Variants in NIN observed in about 807,000 individuals in gnomAD.
The protein encoded by NIN is ninein.
Under a neutral mutation model 257.6 loss-of-function variants are expected in NIN, and 137 were observed. The observed-to-expected ratio is 0.53, with a 90% confidence interval of 0.46 to 0.61. The LOEUF is 0.61. NIN is among the 20% of genes least tolerant of loss of function. The pLI, the probability that NIN is intolerant of heterozygous loss-of-function variation, is 0.00. For missense variants in NIN, 2,439 were observed against 2,501.2 expected, an observed-to-expected ratio of 0.98 and a Z score of 0.53; for synonymous variants, 918 against 919.8, an observed-to-expected ratio of 1.00 and a Z score of 0.04.
intron 9 of NIN, 168 bp downstream of exon 9, chr14:50,772,133 G>C (rs918919971): frequency 1.8e-6 from 1 of 565,090 alleles, no homozygotes. Context: ...TTAACAAAAG[G>C]CTCCTGGTTA....
At chr14:50,797,919 A>T (rs939766970) in intron 4 of NIN, among the ~76,000 whole-genome samples, 2 of 150,760 alleles carry the variant, frequency 1.3e-5, no homozygotes, top group African/African-American at 4.9e-5. Flanking sequence ...GAAGGGAAAG[A>T]GTGGAGTGGG....
chr14:50,772,077 G>A (rs2042759897), intron 9 of NIN: 2 of 467,024 alleles, frequency 4.3e-6, no homozygotes, highest in Non-Finnish European at 7.7e-6. Flanking sequence ...AATTGTAAGA[G>A]TATTTCTCAT....
chr14:50,774,700 T>G (rs973915455), intron 7 of NIN, among the ~76,000 whole-genome samples: 91 of 151,940 alleles, frequency 6.0e-4, no homozygotes, highest in African/African-American at 2.0e-3. Flanking sequence ...GCTCTAACAT[T>G]AGATCCACAC....
At chr14:50,805,527 T>A (rs1390792117) in intron 4 of NIN, among the ~76,000 whole-genome samples, 1 of 152,120 alleles carries the variant, frequency 6.6e-6, no homozygotes, top group Non-Finnish European at 1.5e-5. Context: ...CTAAAGGCAG[T>A]GTCCATACAC....
Position 50,766,325 on chromosome 14 carries a change from T to C in NIN, c.1617A>G (p.Glu539=). The change falls in exon 14 of 31, where the codon GAA becomes GAG. Residue 539 remains glutamate, a synonymous_variant. Transcript: ENST00000530997. ...QEERLTQMRN[E]YERQCRVLQD... is the part of the protein sequence containing the mutation. ...TACCTACCCTGCACTGCCGCTCATA[T>C]TCATTTCTCATCTGTGTCAGTCTCT... 2.5e-6 allele frequency: 4 copies of C among 1,614,046 alleles called. No individual in the cohort carries two copies. The highest frequency in any genetic ancestry group is 1.3e-5 in the African/African-American group (1 of 75,046).
rs143801082 is a variant in NIN, at chr14:50,780,267, C to T, written c.436-1463G>A. ...GAAAAGGTGAATCGCCCTTTCCAAACGGGGCTGCTGTCATAGCAGTGATCC... is the reference window on the plus strand; with the variant it reads ...GAAAAGGTGAATCGCCCTTTCCAAATGGGGCTGCTGTCATAGCAGTGATCC... On this transcript the variant is annotated intron_variant, in intron 5 of 30. Coordinates refer to ENST00000530997, the MANE Select transcript of NIN (RefSeq NM_020921.4). 2.6e-3 allele frequency among the ~76,000 whole-genome samples: 397 copies of T among 152,316 alleles called. 2 individuals are homozygous for T. The highest frequency in any genetic ancestry group is 3.6e-3 in the Non-Finnish European group (246 of 68,024).
intron 28 of NIN, among the ~76,000 whole-genome samples, chr14:50,733,146 G>A (rs1398025092): frequency 6.6e-6 from 1 of 151,560 alleles, no homozygotes; most frequent in Non-Finnish European, 1.5e-5. Context: ...AGGCTGGAGT[G>A]CAGTGGCACG....
At chr14:50,735,659 A>C in intron 27 of NIN, 42 bp from the exon 28 acceptor site, 2 of 1,576,636 alleles carry the variant, frequency 1.3e-6, no homozygotes, top group Non-Finnish European at 1.7e-6. Flanking sequence ...ACAGAAACAA[A>C]AACACTTGAG....
intron 5 of NIN, among the ~76,000 whole-genome samples, chr14:50,785,215 G>A (rs1265808416): frequency 2.0e-5 from 3 of 152,374 alleles, no homozygotes; most frequent in East Asian, 3.9e-4. Flanking sequence ...CTGCAGAGCA[G>A]ATGGCCAGAG....
chr14:50,755,679 A>T (rs1040889), intron 18 of NIN, among the ~76,000 whole-genome samples: 7,800 of 41,522 alleles, frequency 0.19, 1,255 homozygotes, highest in African/African-American at 0.42. Context: ...TTTTTTTTTT[A>T]AAAGAGACAG....
Position 50,723,362 on chromosome 14 carries a change from G to C in NIN, c.*101C>G. The C allele has an allele frequency of 1.1e-6, 1 of 913,342 alleles. No individual in the cohort carries two copies. The allele number at this position is 913,342 out of a possible 1,614,324, so 56.6% of individuals were successfully genotyped here. A position where few individuals can be genotyped will look rare whatever the true frequency, so the allele number is the denominator to read the frequency against. ...GATAAATGGAAACTCCAGTTGTGTT[G>C]CTGGCAGTTTTAGGTTAGGCTTAAT... On this transcript the variant is annotated 3_prime_UTR_variant, in exon 31 of 31. Transcript: ENST00000530997.
chr14:50,789,340 C>T (rs747615854), intron 5 of NIN, among the ~76,000 whole-genome samples: 23 of 147,738 alleles, frequency 1.6e-4, no homozygotes, highest in Non-Finnish European at 3.2e-4. Flanking sequence ...TTTGGGAGGC[C>T]GAGGCAGGTG....
intron 14 of NIN, among the ~76,000 whole-genome samples, chr14:50,764,293 CA>C: frequency 6.6e-6 from 1 of 152,050 alleles, no homozygotes; most frequent in Middle Eastern, 3.4e-3. Context: ...AAATACAAAT[CA>C]AAGCCACAAT....
intron 30 of NIN, chr14:50,724,370 G>T (rs1439743385): frequency 4.7e-6 from 1 of 214,872 alleles, no homozygotes; most frequent in East Asian, 6.8e-5. Flanking sequence ...AAGTATAAAG[G>T]TTTATGAGAA....
At chr14:50,772,920 C>G in intron 8 of NIN, 29 bp downstream of exon 8, 1 of 1,589,984 alleles carries the variant, frequency 6.3e-7, no homozygotes, top group Non-Finnish European at 8.6e-7. Flanking sequence ...CTTTTATTCA[C>G]AAAGAAAGCA....
intron 28 of NIN, among the ~76,000 whole-genome samples, chr14:50,734,213 C>T (rs2040863762): frequency 6.6e-6 from 1 of 151,890 alleles, no homozygotes; most frequent in Admixed American, 6.6e-5. Flanking sequence ...CCTCAGCCTC[C>T]CAAGTAGCTA....
Position 50,766,846 on chromosome 14 carries a change from C to A in NIN, c.1479G>T (p.Lys493Asn). ...TTGTCAGATTCTCATATTCTGCCAA[C>A]TTCTCTGCATTTTCTAGAAGCTCAT... ...LENELLENAE[K>N]LAEYENLTNK... The change falls in exon 13 of 31, where the codon AAG (lysine) becomes AAT (asparagine). Residue 493 changes from lysine to asparagine, a missense_variant. Lys to Asn is a moderately conservative substitution (Grantham distance 94). This residue lies in a region of NIN where 2,043 missense variants were observed against 2,050.2 expected (regional missense o/e 1.00). Transcript: ENST00000530997. 3 of 1,613,996 alleles carry A rather than the reference C, an allele frequency of 1.9e-6. No individual in the cohort carries two copies. The highest frequency in any genetic ancestry group is 2.5e-6 in the Non-Finnish European group (3 of 1,179,980).
Position 50,723,496 on chromosome 14 carries a change from C to T in NIN, c.6369G>A (p.Ala2123=), listed in dbSNP as rs377494672. 3.7e-5 allele frequency: 60 copies of T among 1,612,728 alleles called. No individual in the cohort carries two copies. The highest frequency in any genetic ancestry group is 1.7e-4 in the African/African-American group (13 of 74,868). Residue 2123 remains alanine, a synonymous_variant, in exon 31 of 31, where the codon GCG becomes GCA. Coordinates refer to ENST00000530997, the MANE Select transcript of NIN (RefSeq NM_020921.4). ...TCAAAGGAGGTGTAGAAGTCAATGGCGCTGGTGTCAGATTCCTAACTATAT... is the reference window on the plus strand; with the variant it reads ...TCAAAGGAGGTGTAGAAGTCAATGGTGCTGGTGTCAGATTCCTAACTATAT... ...LSNIVRNLTP[A]PLTSTPPLRS
chr14:50,756,823 T>C lies in NIN; in HGVS notation c.4207A>G (p.Lys1403Glu). ...YLEGNTQLLE[K>E]VKAHEIAWLH... Reference sequence around the variant, plus strand: ...CAGGCAATTTCATGTGCTTTTACTTTTTCCAAGAGCTGTGTGTTCCCCTCA... The same window carrying C: ...CAGGCAATTTCATGTGCTTTTACTTCTTCCAAGAGCTGTGTGTTCCCCTCA... Residue 1403 changes from lysine to glutamate, a missense_variant, in exon 18 of 31, where the codon AAA becomes GAA. By Grantham distance (56) the Lys-to-Glu change is moderately conservative (BLOSUM62 1). Transcript: ENST00000530997. 2 of 1,551,750 alleles carry C rather than the reference T, an allele frequency of 1.3e-6. 1 individual carries two copies. Among genetic ancestry groups the C allele is most frequent in the South Asian group, 2.4e-5 (2 of 84,072 alleles).
Sources: allele counts gnomAD v4.1 joint callset (sites outside exome capture counted in the v4.1 genomes callset), GRCh38; gene constraint gnomAD v4.1.1; regional missense constraint gnomAD v4.1.1; transcripts MANE v1.5; gene names NCBI Gene and HGNC (gene_info 2026-07-23, HGNC 2026-07-21).